ARNT2: variants seen among roughly 807,000 people sequenced by gnomAD.
ARNT2 encodes the protein aryl hydrocarbon receptor nuclear translocator 2, also known as ARNT protein 2.
Under a neutral mutation model 91.7 loss-of-function variants are expected in ARNT2, and 36 were observed. That is an observed-to-expected ratio of 0.39 (90% confidence interval 0.30 to 0.52). The LOEUF (loss-of-function observed/expected upper bound fraction) is 0.52. Ranked by LOEUF, ARNT2 falls within the 20% of genes least tolerant of loss-of-function variation. ARNT2 has a pLI of 0.72. For missense variants in ARNT2, 775 were observed against 939.3 expected (o/e 0.83, Z 2.29); for synonymous variants, 365 against 347.1 (o/e 1.05, Z -0.57).
chr15:80,563,213 C>T lies in ARNT2; in HGVS notation c.1290C>T (p.Tyr430=), dbSNP rs141035056. The change falls in exon 12 of 19, where the codon TAC becomes TAT. Residue 430 remains tyrosine, a synonymous_variant. Transcript: ENST00000303329. ...ATCCCTATTCTGATGAGATTGAGTACATCATCTGCACCAACACCAACGTCA... is the reference window on the plus strand; with the variant it reads ...ATCCCTATTCTGATGAGATTGAGTATATCATCTGCACCAACACCAACGTCA... ...FQNPYSDEIE[Y]IICTNTNVKQ... is the part of the protein sequence containing the mutation. The T allele has an allele frequency of 3.3e-4, 535 of 1,614,232 alleles. 1 individual carries two copies. Among genetic ancestry groups the T allele is most frequent in the Non-Finnish European group, 4.3e-4 (507 of 1,180,052 alleles).
intron 8 of ARNT2, among the ~76,000 whole-genome samples, chr15:80,548,375 C>A (rs1225102935): frequency 6.6e-6 from 1 of 152,066 alleles, no homozygotes; most frequent in Non-Finnish European, 1.5e-5. Context: ...AGATCAGAAA[C>A]AAGGCAATAA....
chr15:80,574,789 C>T (rs1035046315), intron 13 of ARNT2, among the ~76,000 whole-genome samples, 198 bp from the exon 14 acceptor site: 11 of 152,206 alleles, frequency 7.2e-5, no homozygotes, highest in East Asian at 1.9e-4. Flanking sequence ...TTCAGTTCAC[C>T]GCCCCCTAAC....
chr15:80,469,889 G>A (rs1314730460), intron 3 of ARNT2, among the ~76,000 whole-genome samples: 2 of 152,178 alleles, frequency 1.3e-5, no homozygotes, highest in Non-Finnish European at 2.9e-5. Flanking sequence ...TGCTGGGACT[G>A]CAGATGTGAG....
At chr15:80,503,403 T>C (rs1431291003) in intron 5 of ARNT2, among the ~76,000 whole-genome samples, 1 of 152,246 alleles carries the variant, frequency 6.6e-6, no homozygotes, top group Non-Finnish European at 1.5e-5. Flanking sequence ...AGCGGCTTCA[T>C]TGTGTCCAAG....
At chr15:80,549,462 A>C (rs1223219965) in intron 8 of ARNT2, among the ~76,000 whole-genome samples, 1 of 152,202 alleles carries the variant, frequency 6.6e-6, no homozygotes, top group African/African-American at 2.4e-5. Flanking sequence ...CATATACCGC[A>C]AGGATTTAAT....
chr15:80,446,809 G>A (rs556244580), intron 1 of ARNT2, among the ~76,000 whole-genome samples: 3 of 152,206 alleles, frequency 2.0e-5, no homozygotes, highest in Admixed American at 6.5e-5. Flanking sequence ...AAGCCAATCC[G>A]TCCCATTATT....
chr15:80,514,430 C>T (rs1897397501), intron 8 of ARNT2, 25 bp downstream of exon 8: 1 of 1,606,382 alleles, frequency 6.2e-7, no homozygotes, highest in African/African-American at 1.3e-5. Context: ...ATGTAAATTC[C>T]ACGGGAACTG....
At position 80,519,898 on chromosome 15, in the gene ARNT2, C is replaced by T. The variant is rs558502150; in HGVS notation, c.877+5493C>T. Among the ~76,000 whole-genome samples the T allele has an allele frequency of 1.4e-4, 21 of 148,094 alleles. No individual in the cohort carries two copies. The East Asian group carries it at 4.0e-3, about 28-fold the overall frequency. On this transcript the variant is annotated intron_variant, in intron 8 of 18. Transcript: ENST00000303329. Reference sequence around the variant, plus strand: ...TTTTTTTACTAGAGATGGGGTTTCACCATGTTAGCCAGGATGGTCTTGATC... The same window carrying T: ...TTTTTTTACTAGAGATGGGGTTTCATCATGTTAGCCAGGATGGTCTTGATC...
chr15:80,465,714 A>G (rs1896643043), intron 3 of ARNT2, among the ~76,000 whole-genome samples: 1 of 152,162 alleles, frequency 6.6e-6, no homozygotes, highest in Non-Finnish European at 1.5e-5. Flanking sequence ...TCACCCTGAC[A>G]TGAGCAAAGA....
chr15:80,495,819 C>T (rs896324604), intron 5 of ARNT2, among the ~76,000 whole-genome samples: 1 of 152,214 alleles, frequency 6.6e-6, no homozygotes, highest in African/African-American at 2.4e-5. Context: ...TTCCCCACAC[C>T]TTGCTCTGAG....
Position 80,508,199 on chromosome 15 carries a change from G to C in ARNT2, c.666G>C (p.Gly222=), listed in dbSNP as rs371010555. 6.2e-7 allele frequency: 1 copy of C among 1,614,022 alleles called. No homozygotes were observed. The highest frequency in any genetic ancestry group is 1.3e-5 in the African/African-American group (1 of 74,902). Residue 222 remains glycine, a synonymous_variant, in exon 6 of 19, where the codon GGG becomes GGC. Coordinates refer to ENST00000303329, the MANE Select transcript of ARNT2 (RefSeq NM_014862.4). Reference sequence around the variant, plus strand: ...AGACTGGGACGGTCAAGAAAGAAGGGCAGCAGTCATCCATGAGGATGTGCA... The same window carrying C: ...AGACTGGGACGGTCAAGAAAGAAGGCCAGCAGTCATCCATGAGGATGTGCA... ...DLKTGTVKKE[G]QQSSMRMCMG...
chr15:80,555,394 G>A, intron 11 of ARNT2: 1 of 450,716 alleles, frequency 2.2e-6, no homozygotes, highest in South Asian at 4.4e-5. Flanking sequence ...AGAGGCTGGA[G>A]AGGTTAACTG....
chr15:80,409,514 A>G (rs1022732438), intron 1 of ARNT2, among the ~76,000 whole-genome samples: 7 of 151,706 alleles, frequency 4.6e-5, no homozygotes, highest in Non-Finnish European at 8.8e-5. Flanking sequence ...AGTTTTGGCA[A>G]TTATGACGAA....
intron 5 of ARNT2, among the ~76,000 whole-genome samples, chr15:80,478,729 G>C (rs575901107): frequency 1.4e-4 from 21 of 152,370 alleles, no homozygotes; most frequent in Non-Finnish European, 2.5e-4. Context: ...AGAGCTCTCT[G>C]AAACTGGGCT....
At chr15:80,484,190 A>T (rs1896930956) in intron 5 of ARNT2, among the ~76,000 whole-genome samples, 1 of 150,134 alleles carries the variant, frequency 6.7e-6, no homozygotes, top group Non-Finnish European at 1.5e-5. Flanking sequence ...GGCAAAAAAA[A>T]AAAAACAACT....
At position 80,508,236 on chromosome 15, in the gene ARNT2, C is replaced by A. The variant is rs779318478; in HGVS notation, c.703C>A (p.Arg235=). 3.0e-5 allele frequency: 48 copies of A among 1,613,878 alleles called. No homozygotes were observed. The highest frequency in any genetic ancestry group is 4.0e-5 in the Non-Finnish European group (47 of 1,179,936). The change falls in exon 6 of 19, where the codon CGG becomes AGG. Residue 235 remains arginine, a synonymous_variant. Coordinates refer to ENST00000303329, the MANE Select transcript of ARNT2 (RefSeq NM_014862.4). ...CATGAGGATGTGCATGGGCTCGCGG[C>A]GGTCTTTCATCTGCAGGATGAGGTC... The part of the protein sequence containing the change: ...SSMRMCMGSR[R]SFICRMRCGN...
chr15:80,474,902 A>G (rs1896778169), intron 4 of ARNT2, 108 bp from the exon 5 acceptor site: 6 of 1,114,096 alleles, frequency 5.4e-6, no homozygotes, highest in Non-Finnish European at 7.8e-6. Context: ...TTTGTGTACC[A>G]GAATAAATAT....
At chr15:80,492,294 T>C (rs1897068272) in intron 5 of ARNT2, among the ~76,000 whole-genome samples, 1 of 152,168 alleles carries the variant, frequency 6.6e-6, no homozygotes, top group South Asian at 2.1e-4. Context: ...TGCCTCAGCC[T>C]CCCAAAATGC....
Position 80,555,122 on chromosome 15 carries a change from C to T in ARNT2, c.1147C>T (p.Arg383Cys), listed in dbSNP as rs781514624. 2.0e-5 allele frequency: 32 copies of T among 1,614,056 alleles called. No homozygotes were observed. The highest frequency in any genetic ancestry group is 2.4e-5 in the Non-Finnish European group (28 of 1,180,022). Residue 383 changes from arginine (R) to cysteine (C), a missense_variant, in exon 11 of 19, where the codon CGT (arginine) becomes TGT (cysteine). Coordinates refer to ENST00000303329, the MANE Select transcript of ARNT2 (RefSeq NM_014862.4). ...CCACCCTGAGGATCAAAGCCATCTG[C>T]GTGAGAGCTTCCAGCAGGTACATAC... ...FCHPEDQSHL[R>C]ESFQQVVKLK...
Sources: allele counts gnomAD v4.1 joint callset (sites outside exome capture counted in the v4.1 genomes callset), GRCh38; gene constraint gnomAD v4.1.1; transcripts MANE v1.5; gene names NCBI Gene and HGNC (gene_info 2026-07-23, HGNC 2026-07-21).